AUTS2: variants seen among roughly 807,000 people sequenced by gnomAD.
AUTS2 encodes autism susceptibility gene 2 protein.
A neutral mutation model predicts 112.4 loss-of-function variants in AUTS2; 17 were observed. That is an observed-to-expected ratio of 0.15 (90% CI 0.10 to 0.23). The LOEUF (loss-of-function observed/expected upper bound fraction) is 0.23. Among genes scored for constraint, AUTS2 ranks in the 10% least tolerant of loss-of-function variants. The pLI, the probability that AUTS2 is intolerant of heterozygous loss-of-function variation, is 1.00. For missense variants in AUTS2, 1,510 were observed against 1,701.6 expected, an observed-to-expected ratio of 0.89 and a Z score of 1.98; for synonymous variants, 751 against 702.7, an observed-to-expected ratio of 1.07 and a Z score of -1.09.
chr7:69,988,638 T>G (rs1323024297), intron 2 of AUTS2, among the ~76,000 whole-genome samples: 1 of 152,204 alleles, frequency 6.6e-6, no homozygotes, highest in African/African-American at 2.4e-5. Flanking sequence ...CAACAAATAT[T>G]TATTGAATGA....
chr7:70,517,807 A>T (rs1470060794), intron 5 of AUTS2, among the ~76,000 whole-genome samples: 1 of 152,086 alleles, frequency 6.6e-6, no homozygotes, highest in Non-Finnish European at 1.5e-5. Context: ...GTATGTATAC[A>T]TATATACATA....
chr7:70,426,788 A>G (rs1795456509), intron 4 of AUTS2, among the ~76,000 whole-genome samples: 2 of 151,628 alleles, frequency 1.3e-5, no homozygotes, highest in African/African-American at 4.9e-5. Context: ...CACTGCAATC[A>G]AAGCAATTGG....
At chr7:70,430,597 A>T (rs1795616405) in intron 4 of AUTS2, among the ~76,000 whole-genome samples, 1 of 152,194 alleles carries the variant, frequency 6.6e-6, no homozygotes, top group Admixed American at 6.5e-5. Context: ...CTCCCTTGAA[A>T]GTCACATAGA....
chr7:70,334,498 G>A (rs1446148250), intron 4 of AUTS2, among the ~76,000 whole-genome samples: 5 of 152,234 alleles, frequency 3.3e-5, no homozygotes, highest in Non-Finnish European at 4.4e-5. Flanking sequence ...AGAGTATTGG[G>A]GGCAGAGGAC....
At chr7:70,507,299 G>A (rs1350010255) in intron 5 of AUTS2, among the ~76,000 whole-genome samples, 1 of 152,146 alleles carries the variant, frequency 6.6e-6, no homozygotes, top group African/African-American at 2.4e-5. Flanking sequence ...ACTGCTTTGG[G>A]AGGCTGAGGC....
chr7:69,840,273 T>C (rs1293403205), intron 1 of AUTS2, among the ~76,000 whole-genome samples: 1 of 152,216 alleles, frequency 6.6e-6, no homozygotes, highest in Non-Finnish European at 1.5e-5. Context: ...GTTTTGTTAG[T>C]GTCTGTTGCT....
At chr7:70,363,636 A>G (rs1253729563) in intron 4 of AUTS2, among the ~76,000 whole-genome samples, 1 of 152,122 alleles carries the variant, frequency 6.6e-6, no homozygotes, top group East Asian at 1.9e-4. Context: ...CTCAACGGGT[A>G]TTTATATAAT....
intron 5 of AUTS2, among the ~76,000 whole-genome samples, chr7:70,638,405 A>G (rs1031306106): frequency 2.0e-5 from 3 of 152,082 alleles, no homozygotes; most frequent in African/African-American, 4.8e-5. Context: ...CTTGAGAGCA[A>G]CTCTGCAGAT....
At chr7:70,533,385 A>G (rs548615737) in intron 5 of AUTS2, among the ~76,000 whole-genome samples, 192 of 152,126 alleles carry the variant, frequency 1.3e-3, no homozygotes, top group African/African-American at 4.5e-3. Flanking sequence ...GAGTGATGGG[A>G]TTATAGGCGT....
intron 4 of AUTS2, among the ~76,000 whole-genome samples, chr7:70,197,569 G>C (rs1810254458): frequency 9.1e-6 from 1 of 110,070 alleles, no homozygotes; most frequent in Non-Finnish European, 1.9e-5. Context: ...CCGAGTCAAA[G>C]AAAGGGGTGA....
chr7:70,675,677 T>A (rs1331247766), intron 5 of AUTS2, among the ~76,000 whole-genome samples: 1 of 152,096 alleles, frequency 6.6e-6, no homozygotes, highest in Non-Finnish European at 1.5e-5. Context: ...GGGACTGGAA[T>A]CCCCTGGAAA....
chr7:70,160,390 G>A (rs907699904), intron 4 of AUTS2, among the ~76,000 whole-genome samples: 3 of 152,136 alleles, frequency 2.0e-5, no homozygotes, highest in Admixed American at 1.3e-4. Flanking sequence ...AATTCTAGAT[G>A]TGTGAATTCT....
intron 4 of AUTS2, among the ~76,000 whole-genome samples, chr7:70,372,096 T>C (rs966887746): frequency 6.6e-5 from 10 of 152,210 alleles, no homozygotes; most frequent in African/African-American, 2.4e-4. Context: ...TTTTCCATTG[T>C]CCAGACTCTT....
intron 4 of AUTS2, among the ~76,000 whole-genome samples, chr7:70,329,402 A>G (rs775988821): frequency 5.9e-5 from 9 of 152,108 alleles, no homozygotes; most frequent in Non-Finnish European, 1.2e-4. Context: ...CCAGCAATAT[A>G]TGAGGGTTCC....
chr7:70,772,767 G>A (rs778932680), intron 11 of AUTS2, among the ~76,000 whole-genome samples: 6 of 152,194 alleles, frequency 3.9e-5, no homozygotes, highest in Non-Finnish European at 7.3e-5. Context: ...GATATACAGG[G>A]CTTTTATGAC....
chr7:70,430,341 G>A (rs971999712), intron 4 of AUTS2, among the ~76,000 whole-genome samples: 2 of 152,094 alleles, frequency 1.3e-5, no homozygotes, highest in Non-Finnish European at 2.9e-5. Flanking sequence ...TCAACAGGGG[G>A]CACATACCCA....
chr7:69,946,588 ACACACACACACACACACACG>A (rs1423591719), intron 2 of AUTS2, among the ~76,000 whole-genome samples: 2 of 146,510 alleles, frequency 1.4e-5, no homozygotes, highest in Non-Finnish European at 3.1e-5. Flanking sequence ...ACACACACAC[ACACACACACACACACACACG>A]CACGCACACA....
chr7:70,718,860 C>T (rs560338463), intron 6 of AUTS2, among the ~76,000 whole-genome samples: 130 of 151,966 alleles, frequency 8.6e-4, no homozygotes, highest in Non-Finnish European at 1.6e-3. Context: ...ACTTACTGTC[C>T]AGGCCTGGAC....
chr7:70,007,265 C>G (rs1799586952), intron 2 of AUTS2, among the ~76,000 whole-genome samples: 2 of 152,182 alleles, frequency 1.3e-5, no homozygotes, highest in African/African-American at 4.8e-5. Flanking sequence ...CTGTCCCCCC[C>G]TAAATCATGG....
Sources: gnomAD v4.1 joint callset for allele counts (sites outside exome capture counted in the v4.1 genomes callset) on GRCh38, gnomAD v4.1.1 for gene constraint, MANE v1.5 for transcripts, NCBI Gene and HGNC (gene_info 2026-07-23, HGNC 2026-07-21) for gene names.